BPNT1: variants seen among roughly 807,000 people sequenced by gnomAD.
The protein encoded by BPNT1 is 3'(2'),5'-bisphosphate nucleotidase 1.
Under a neutral mutation model 36.9 loss-of-function variants are expected in BPNT1, and 28 were observed. That is an observed-to-expected ratio of 0.76 (90% CI 0.56 to 1.04). The LOEUF is 1.04. Among genes scored for constraint, BPNT1 ranks in the 50% least tolerant of loss-of-function variants. The pLI, the probability that BPNT1 is intolerant of heterozygous loss-of-function variation, is 0.00. For synonymous variants in BPNT1, 119 were observed against 130.9 expected (o/e 0.91, Z 0.62); for missense variants, 313 against 372.9 (o/e 0.84, Z 1.32).
intron 1 of BPNT1, among the ~76,000 whole-genome samples, chr1:220,082,961 G>A (rs781068652): frequency 1.3e-5 from 2 of 152,066 alleles, no homozygotes; most frequent in Non-Finnish European, 2.9e-5. Context: ...ATTTATGGCC[G>A]GGCACAGTGG....
Position 220,069,306 on chromosome 1 carries a change from C to A in BPNT1, c.382+78G>T, listed in dbSNP as rs573350170. On this transcript the variant is annotated intron_variant, in intron 5 of 8. Coordinates refer to ENST00000322067, the MANE Select transcript of BPNT1 (RefSeq NM_006085.6). ...TGATAGTAGCTTTCCATACAACATA[C>A]AAAATATCAAATATTTACAACTAAC... is the stretch of plus-strand genomic sequence containing the variant. 7.1e-5 allele frequency: 84 copies of A among 1,179,564 alleles called. No homozygotes were observed. The South Asian group carries it at 1.3e-3, about 18-fold the overall frequency. 73.1% of individuals were successfully genotyped at this position (1,179,564 alleles called of 1,614,324 possible).
chr1:220,062,781 C>T lies in BPNT1; in HGVS notation c.648G>A (p.Leu216=). ...CVAAMNPDAV[L]RVGGAGNKII... ...CCTTATTTCCTGCTCCTCCTACTCG[C>T]AGCACAGCATCGGGGTTCATAGCAG... The change falls in exon 7 of 9, where the codon CTG becomes CTA. Residue 216 remains leucine (L), a synonymous_variant. Coordinates refer to ENST00000322067, the MANE Select transcript of BPNT1 (RefSeq NM_006085.6). 1 of 1,614,222 alleles carries T rather than the reference C, an allele frequency of 6.2e-7. No individual in the cohort carries two copies. The highest frequency in any genetic ancestry group is 8.5e-7 in the Non-Finnish European group (1 of 1,180,034).
chr1:220,079,721 G>T lies in BPNT1; in HGVS notation c.120+6C>A. The T allele has an allele frequency of 1.2e-6, 2 of 1,613,766 alleles. No individual in the cohort carries two copies. The highest frequency in any genetic ancestry group is 2.2e-5 in the South Asian group (2 of 90,944). ...TTGGTATGAAATGATATGAGAGTTT[G>T]AGTACCTTCTCCACAATACCCAGGT... On this transcript the variant is annotated splice_donor_region_variant and intron_variant, in intron 2 of 8. Coordinates refer to ENST00000322067, the MANE Select transcript of BPNT1 (RefSeq NM_006085.6).
intron 1 of BPNT1, among the ~76,000 whole-genome samples, chr1:220,082,085 T>TATATAGAGAGAGAGAG (rs1171093697): frequency 9.7e-6 from 1 of 103,296 alleles, no homozygotes; most frequent in African/African-American, 3.8e-5. Flanking sequence ...TATATATATA[T>TATATAGAGAGAGAGAG]AGAGAGAGAG....
intron 2 of BPNT1, 50 bp from the exon 3 acceptor site, chr1:220,074,121 C>T (rs1366533904): frequency 6.5e-7 from 1 of 1,541,388 alleles, no homozygotes; most frequent in African/African-American, 1.4e-5. Flanking sequence ...AATAAGTTGT[C>T]CTCTGATTCC....
chr1:220,062,233 G>T (rs1263162166), intron 7 of BPNT1, among the ~76,000 whole-genome samples: 1 of 150,724 alleles, frequency 6.6e-6, no homozygotes, highest in Non-Finnish European at 1.5e-5. Context: ...ATGCTGGTGT[G>T]CTGCACCCAT....
intron 1 of BPNT1, among the ~76,000 whole-genome samples, chr1:220,084,128 C>T (rs1462269494): frequency 6.6e-6 from 1 of 151,944 alleles, no homozygotes; most frequent in Non-Finnish European, 1.5e-5. Context: ...GTCAGGAGAT[C>T]GAGACCATCC....
At chr1:220,086,191 G>A (rs1464353218) in intron 1 of BPNT1, among the ~76,000 whole-genome samples, 1 of 152,112 alleles carries the variant, frequency 6.6e-6, no homozygotes, top group Admixed American at 6.6e-5. Flanking sequence ...AAATAGAACC[G>A]AACACACTAA....
chr1:220,086,087 C>T (rs1300689897), intron 1 of BPNT1, among the ~76,000 whole-genome samples: 1 of 152,024 alleles, frequency 6.6e-6, no homozygotes, highest in Non-Finnish European at 1.5e-5. Flanking sequence ...GAGGTACTCC[C>T]CTTATCAATT....
At chr1:220,071,876 G>A (rs1382935853) in intron 4 of BPNT1, among the ~76,000 whole-genome samples, 2 of 151,578 alleles carry the variant, frequency 1.3e-5, no homozygotes, top group South Asian at 2.1e-4. Flanking sequence ...TAGAAGAGAC[G>A]GGGATTCTCC....
rs182803021 is a variant in BPNT1 at position 220,058,685 on chromosome 1, G to A, written c.*159C>T. ...TAGCTGGGATGACAGGCGCATGACA[G>A]GATGCCCAGTTAATTTGTATTTTTG... is the stretch of plus-strand genomic sequence containing the variant. On this transcript the variant is annotated 3_prime_UTR_variant, in exon 9 of 9. Coordinates refer to ENST00000322067, the MANE Select transcript of BPNT1 (RefSeq NM_006085.6). 240 of 795,658 alleles carry A rather than the reference G, an allele frequency of 3.0e-4. 1 individual carries two copies. In the African/African-American group the frequency reaches 3.9e-3, roughly 13 times the overall value. 49.3% of individuals were successfully genotyped at this position (795,658 alleles called of 1,614,324 possible).
intron 1 of BPNT1, among the ~76,000 whole-genome samples, chr1:220,088,831 G>A (rs944507495): frequency 1.1e-4 from 16 of 151,028 alleles, no homozygotes; most frequent in African/African-American, 3.6e-4. Context: ...TGGGCGCGGT[G>A]GCTCACGCCT....
intron 4 of BPNT1, 141 bp downstream of exon 4, chr1:220,072,709 T>C (rs553554047): frequency 4.7e-6 from 3 of 643,700 alleles, no homozygotes; most frequent in East Asian, 5.5e-5. Context: ...GATACTTCCA[T>C]GTTGGCTCTG....
chr1:220,073,162 T>C (rs1664221787), intron 3 of BPNT1, among the ~76,000 whole-genome samples: 2 of 152,220 alleles, frequency 1.3e-5, no homozygotes, highest in African/African-American at 2.4e-5. Context: ...ATGGTTCCAG[T>C]GTCATTATAC....
intron 1 of BPNT1, among the ~76,000 whole-genome samples, chr1:220,083,109 C>A (rs1000570396): frequency 1.3e-4 from 20 of 151,112 alleles, no homozygotes; most frequent in Non-Finnish European, 2.7e-4. Flanking sequence ...TGGTGGCATG[C>A]ACCTGTAATC....
intron 4 of BPNT1, among the ~76,000 whole-genome samples, chr1:220,070,736 A>G (rs1169755920): frequency 6.7e-6 from 1 of 150,264 alleles, no homozygotes; most frequent in East Asian, 2.0e-4. Flanking sequence ...TGCTGGGATT[A>G]CAGGCTTGAG....
chr1:220,088,003 G>A (rs1465171972), intron 1 of BPNT1, among the ~76,000 whole-genome samples: 3 of 151,934 alleles, frequency 2.0e-5, no homozygotes, highest in South Asian at 2.1e-4. Flanking sequence ...TCAGCCTCCC[G>A]AGTAGCTGGG....
At chr1:220,073,119 A>G (rs927019625) in intron 3 of BPNT1, among the ~76,000 whole-genome samples, 162 bp from the exon 4 acceptor site, 3 of 152,196 alleles carry the variant, frequency 2.0e-5, no homozygotes, top group Non-Finnish European at 2.9e-5. Flanking sequence ...AATTTGCAAA[A>G]ACAACCATAT....
chr1:220,078,540 A>G (rs1664804390), intron 2 of BPNT1, among the ~76,000 whole-genome samples: 1 of 140,334 alleles, frequency 7.1e-6, no homozygotes, highest in Non-Finnish European at 1.5e-5. Flanking sequence ...TACATTATAT[A>G]TATTATAATT....
Sources: gnomAD v4.1 joint callset for allele counts (sites outside exome capture counted in the v4.1 genomes callset) on GRCh38, gnomAD v4.1.1 for gene constraint, MANE v1.5 for transcripts, NCBI Gene and HGNC (gene_info 2026-07-23, HGNC 2026-07-21) for gene names.